The following SP110 variants were observed in gnomAD, a reference collection of about 807,000 sequenced individuals.
The protein encoded by SP110 is interferon-induced protein 41, 30kD.
Under a neutral mutation model 92.7 loss-of-function variants are expected in SP110, and 62 were observed. That is an observed-to-expected ratio of 0.67 (90% confidence interval 0.55 to 0.83). The LOEUF is 0.83. Among genes scored for constraint, SP110 ranks in the 40% least tolerant of loss-of-function variants. SP110 has a pLI of 0.00. For missense variants in SP110, 793 were observed against 863.9 expected, an observed-to-expected ratio of 0.92 and a Z score of 1.03; for synonymous variants, 273 against 305.3, an observed-to-expected ratio of 0.89 and a Z score of 1.10.
At chr2:230,175,905 A>T (rs1181314237) in intron 14 of SP110, among the ~76,000 whole-genome samples, 1 of 143,692 alleles carries the variant, frequency 7.0e-6, no homozygotes, top group African/African-American at 2.6e-5. Flanking sequence ...GTTCCTGTCT[A>T]TTTCAATGCC....
chr2:230,191,827 C>A (rs578238196), intron 10 of SP110, among the ~76,000 whole-genome samples: 20 of 150,656 alleles, frequency 1.3e-4, no homozygotes, highest in African/African-American at 4.6e-4. Flanking sequence ...AGAGACACAA[C>A]AAAAAAAAAG....
In SP110 at chr2:230,186,023, G is replaced by T; in HGVS notation, c.1250C>A (p.Thr417Asn). The T allele has an allele frequency of 1.2e-6, 2 of 1,614,102 alleles. No individual in the cohort carries two copies. Among genetic ancestry groups the T allele is most frequent in the Non-Finnish European group, 8.5e-7 (1 of 1,179,980 alleles). The change falls in exon 11 of 19, where the codon ACT (threonine) becomes AAT (asparagine). Residue 417 changes from threonine (T) to asparagine (N), a missense_variant. Transcript: ENST00000258381. ...CAATCTGGACTTTCGGGCACATTTAGTTCTTGCCTTTTGGACCCTCATCAT... is the reference window on the plus strand; with the variant it reads ...CAATCTGGACTTTCGGGCACATTTATTTCTTGCCTTTTGGACCCTCATCAT... Reference protein sequence around the residue: ...EVMMRVQKARTKCARKSRLKE... With the variant: ...EVMMRVQKARNKCARKSRLKE...
intron 10 of SP110, chr2:230,200,522 T>G: frequency 4.3e-6 from 1 of 230,346 alleles, no homozygotes; most frequent in Non-Finnish European, 8.6e-6. Flanking sequence ...ATGGGTTGGA[T>G]CAAGCTGCAC....
chr2:230,172,706 T>G (rs1392558286), intron 15 of SP110, 138 bp downstream of exon 15: 1 of 647,678 alleles, frequency 1.5e-6, no homozygotes, highest in African/African-American at 1.8e-5. Flanking sequence ...ACTGGCAGTC[T>G]CAGAGACCCA....
At chr2:230,189,802 T>C (rs1352670592) in intron 10 of SP110, among the ~76,000 whole-genome samples, 4 of 152,220 alleles carry the variant, frequency 2.6e-5, no homozygotes, top group African/African-American at 7.2e-5. Context: ...TGTTTGGTTT[T>C]CTGTTCCTGT....
upstream of SP110, among the ~76,000 whole-genome samples, chr2:230,224,170 A>G (rs1266483589): frequency 9.2e-5 from 14 of 152,226 alleles, no homozygotes; most frequent in African/African-American, 3.1e-4. Flanking sequence ...CTGAAGTACC[A>G]ATCTTACCAC....
In SP110 at chr2:230,198,517, T is replaced by C. The variant is rs367843187; in HGVS notation, c.1129+2368A>G. On this transcript the variant is annotated intron_variant, in intron 10 of 18. Coordinates refer to ENST00000258381, the MANE Select transcript of SP110 (RefSeq NM_080424.4). Reference sequence around the variant, plus strand: ...CCTGATTCTGAGCCCCTTATTCTTATAGATTAAAGATTACATTTCCCAGCC... The same window carrying C: ...CCTGATTCTGAGCCCCTTATTCTTACAGATTAAAGATTACATTTCCCAGCC... Among the ~76,000 whole-genome samples, 361 of 152,314 alleles carry C rather than the reference T, an allele frequency of 2.4e-3. 2 individuals are homozygous for C. The highest frequency in any genetic ancestry group is 8.2e-3 in the African/African-American group (340 of 41,578).
At chr2:230,214,439 G>A (rs1235679650) in intron 3 of SP110, among the ~76,000 whole-genome samples, 1 of 152,170 alleles carries the variant, frequency 6.6e-6, no homozygotes, top group Non-Finnish European at 1.5e-5. Context: ...GTAATTTTGG[G>A]AAGATTACCT....
intron 1 of SP110, among the ~76,000 whole-genome samples, chr2:230,217,245 C>CAAA (rs6147220): frequency 0.11 from 9,015 of 79,666 alleles, 641 homozygotes; most frequent in Middle Eastern, 0.14. Flanking sequence ...GACTCCATCT[C>CAAA]AAAAAAAAAA....
At position 230,206,731 on chromosome 2, in the gene SP110, G is replaced by A. The variant is rs146124907; in HGVS notation, c.898+1260C>T. On this transcript the variant is annotated intron_variant, in intron 8 of 18. Coordinates refer to ENST00000258381, the MANE Select transcript of SP110 (RefSeq NM_080424.4). The stretch of plus-strand genomic sequence containing the variant: ...TGTTCCTGTAAAAAGCCCTAGTCCC[G>A]GAGACACAGAAATGTATGCAATATA... Among the ~76,000 whole-genome samples the A allele has an allele frequency of 3.2e-3, 483 of 148,844 alleles. 3 individuals carry two copies. The highest frequency in any genetic ancestry group is 0.014 in the Middle Eastern group (4 of 284).
chr2:230,178,490 T>C (rs368418296), intron 12 of SP110, among the ~76,000 whole-genome samples: 4 of 151,798 alleles, frequency 2.6e-5, no homozygotes, highest in Non-Finnish European at 5.9e-5. Context: ...GTGGAACATA[T>C]AGGGCATCTT....
At chr2:230,214,570 A>C (rs548466994) in intron 3 of SP110, among the ~76,000 whole-genome samples, 1 of 152,224 alleles carries the variant, frequency 6.6e-6, no homozygotes, top group East Asian at 1.9e-4. Flanking sequence ...AAAGATACTT[A>C]TTATTATCCG....
At chr2:230,207,943 G>T in intron 8 of SP110, 48 bp downstream of exon 8, 2 of 901,886 alleles carry the variant, frequency 2.2e-6, no homozygotes, top group Non-Finnish European at 3.7e-6. Flanking sequence ...TACAAGCCCT[G>T]CATGAGCTGT....
intron 8 of SP110, 121 bp from the exon 9 acceptor site, chr2:230,202,849 C>A (rs1334180508): frequency 2.2e-6 from 2 of 910,242 alleles, no homozygotes; most frequent in African/African-American, 1.6e-5. Flanking sequence ...TCTCTGTACC[C>A]CTGTACCTCA....
At chr2:230,196,349 C>A (rs182557862) in intron 10 of SP110, among the ~76,000 whole-genome samples, 3 of 151,840 alleles carry the variant, frequency 2.0e-5, no homozygotes, top group East Asian at 1.9e-4. Context: ...TCATACGTAA[C>A]GTGCCATGCA....
intron 12 of SP110, among the ~76,000 whole-genome samples, chr2:230,182,701 C>A (rs2042181982): frequency 6.6e-6 from 1 of 152,084 alleles, no homozygotes; most frequent in Non-Finnish European, 1.5e-5. Flanking sequence ...GTGTCTTGAG[C>A]TGCGTGCTGG....
At chr2:230,169,400 C>T (rs2078373760) in intron 18 of SP110, among the ~76,000 whole-genome samples, 163 bp from the exon 19 acceptor site, 1 of 152,192 alleles carries the variant, frequency 6.6e-6, no homozygotes, top group African/African-American at 2.4e-5. Flanking sequence ...CCTTGAATTC[C>T]TGGGCTCATG....
At chr2:230,169,312 T>G in intron 18 of SP110, 75 bp from the exon 19 acceptor site, 1 of 940,732 alleles carries the variant, frequency 1.1e-6, no homozygotes, top group East Asian at 2.4e-5. Context: ...TACTTTTTTT[T>G]GTGTTTTTGT....
rs147355697 is a variant in SP110, at chr2:230,177,664, G to A, written c.1464C>T (p.Cys488=). 2.2e-3 allele frequency: 3,604 copies of A among 1,614,074 alleles called. 69 individuals carry two copies. The highest frequency in any genetic ancestry group is 4.2e-4 in the Non-Finnish European group (493 of 1,179,996). Residue 488 remains cysteine, a synonymous_variant, in exon 14 of 19, where the codon TGC becomes TGT. Transcript: ENST00000258381. Reference sequence around the variant, plus strand: ...ACCAAGTTCCATCCTCATTCCGAATGCACTTCACTGAGGATCCTGTAAGAA... The same window carrying A: ...ACCAAGTTCCATCCTCATTCCGAATACACTTCACTGAGGATCCTGTAAGAA... The part of the protein sequence containing the change: ...KKMKHGSSVK[C]IRNEDGTWLT...
Sources: allele counts gnomAD v4.1 joint callset (sites outside exome capture counted in the v4.1 genomes callset), GRCh38; gene constraint gnomAD v4.1.1; transcripts MANE v1.5; gene names NCBI Gene and HGNC (gene_info 2026-07-23, HGNC 2026-07-21).